The following RNGTT variants were observed in gnomAD, a reference collection of about 807,000 sequenced individuals.
The protein encoded by RNGTT is mRNA-capping enzyme.
Under a neutral mutation model 79.3 loss-of-function variants are expected in RNGTT, and 33 were observed. The ratio of observed to expected loss-of-function variants is 0.42; its 90% CI spans 0.32 to 0.56. RNGTT has a LOEUF of 0.56. Ranked by LOEUF, RNGTT falls within the 20% of genes least tolerant of loss-of-function variation. RNGTT has a pLI of 0.17. For missense variants in RNGTT, 497 were observed against 739.1 expected (o/e 0.67, Z 3.80); for synonymous variants, 222 against 235.9 (o/e 0.94, Z 0.54).
rs74699213 is a variant in RNGTT at position 88,795,176 on chromosome 6, G to T, written c.1338+6388C>A. 4.5e-3 allele frequency among the ~76,000 whole-genome samples: 681 copies of T among 152,290 alleles called. 2 individuals carry two copies. Among genetic ancestry groups the T allele is most frequent in the African/African-American group, 0.015 (643 of 41,572 alleles). On this transcript the variant is annotated intron_variant, in intron 12 of 15. Coordinates refer to ENST00000369485, the MANE Select transcript of RNGTT (RefSeq NM_003800.5). ...AAGAGGTTTAAGATTAAATATTCATGACTAAGGTGATACGAAAGAAACCTA... is the reference window on the plus strand; with the variant it reads ...AAGAGGTTTAAGATTAAATATTCATTACTAAGGTGATACGAAAGAAACCTA...
At chr6:88,948,497 A>G (rs1582167209) in intron 1 of RNGTT, among the ~76,000 whole-genome samples, 3 of 133,212 alleles carry the variant, frequency 2.3e-5, no homozygotes, top group East Asian at 2.4e-4. Context: ...TGGGGGGGTC[A>G]GCCCCCCGCC....
At chr6:88,641,296 G>A (rs996818600) in intron 14 of RNGTT, among the ~76,000 whole-genome samples, 1 of 150,416 alleles carries the variant, frequency 6.6e-6, no homozygotes, top group Non-Finnish European at 1.5e-5. Context: ...CTGAGATGGC[G>A]CCACTGCACT....
intron 11 of RNGTT, among the ~76,000 whole-genome samples, chr6:88,835,134 AG>A (rs1248691854): frequency 6.6e-6 from 1 of 152,178 alleles, no homozygotes; most frequent in Non-Finnish European, 1.5e-5. Context: ...ATTAGACAGT[AG>A]AAAGTAAAAT....
intron 14 of RNGTT, among the ~76,000 whole-genome samples, chr6:88,659,507 A>C (rs1410866913): frequency 6.6e-6 from 1 of 152,180 alleles, no homozygotes; most frequent in South Asian, 2.1e-4. Context: ...AATACACTGG[A>C]AAGTTTCAAC....
chr6:88,633,844 C>T (rs1422492010), intron 14 of RNGTT, among the ~76,000 whole-genome samples: 2 of 152,096 alleles, frequency 1.3e-5, no homozygotes, highest in Non-Finnish European at 2.9e-5. Flanking sequence ...AAAATTAGGA[C>T]ATACAATATC....
chr6:88,816,136 C>T (rs1292625001), intron 11 of RNGTT, among the ~76,000 whole-genome samples: 1 of 152,084 alleles, frequency 6.6e-6, no homozygotes, highest in African/African-American at 2.4e-5. Flanking sequence ...AAGCATTTAT[C>T]AACAATTTAA....
At chr6:88,869,567 TG>T (rs1172243488) in intron 8 of RNGTT, among the ~76,000 whole-genome samples, 1 of 152,154 alleles carries the variant, frequency 6.6e-6, no homozygotes. Flanking sequence ...CAGTTGGCCT[TG>T]GGATCTATCT....
At chr6:88,784,909 T>C (rs577767930) in intron 12 of RNGTT, among the ~76,000 whole-genome samples, 170 of 152,222 alleles carry the variant, frequency 1.1e-3, no homozygotes, top group African/African-American at 3.6e-3. Context: ...AATAAGAATG[T>C]ATTCACACAT....
Position 88,897,283 on chromosome 6 carries a change from C to T in RNGTT, c.685-5368G>A, listed in dbSNP as rs928694223. 5.3e-5 allele frequency among the ~76,000 whole-genome samples: 8 copies of T among 152,216 alleles called. No homozygotes were observed. The East Asian group carries it at 7.7e-4, about 15-fold the overall frequency. On this transcript the variant is annotated intron_variant, in intron 6 of 15. Transcript: ENST00000369485. Reference sequence around the variant, plus strand: ...TTTCTCCAGCCTTGAGTCAACCTACCGTTAGTCTTTTCCACTCTCATACAT... The same window carrying T: ...TTTCTCCAGCCTTGAGTCAACCTACTGTTAGTCTTTTCCACTCTCATACAT...
chr6:88,931,851 G>A (rs187826577), intron 2 of RNGTT, among the ~76,000 whole-genome samples: 11 of 152,264 alleles, frequency 7.2e-5, no homozygotes, highest in Admixed American at 6.5e-4. Flanking sequence ...ATCTTCGTAA[G>A]CTGAGGATGT....
chr6:88,699,924 T>C (rs1775888436), intron 13 of RNGTT, among the ~76,000 whole-genome samples: 1 of 152,098 alleles, frequency 6.6e-6, no homozygotes, highest in South Asian at 2.1e-4. Context: ...GAGAGAGGAA[T>C]GAGGAGTTAC....
intron 14 of RNGTT, among the ~76,000 whole-genome samples, chr6:88,650,513 C>T (rs1773757332): frequency 6.6e-6 from 1 of 151,976 alleles, no homozygotes; most frequent in Non-Finnish European, 1.5e-5. Flanking sequence ...GTTTTAATTC[C>T]AGCTATGCTC....
At chr6:88,679,780 A>G (rs1198797996) in intron 13 of RNGTT, among the ~76,000 whole-genome samples, 1 of 152,208 alleles carries the variant, frequency 6.6e-6, no homozygotes, top group Admixed American at 6.5e-5. Context: ...CTTGTGTTTA[A>G]CTGACCTAAA....
At chr6:88,700,548 C>T (rs546597202) in intron 13 of RNGTT, among the ~76,000 whole-genome samples, 5 of 152,000 alleles carry the variant, frequency 3.3e-5, no homozygotes, top group Non-Finnish European at 7.4e-5. Flanking sequence ...GGGGCAGTTA[C>T]AAGGTCAGGA....
chr6:88,927,385 C>T (rs1456848785), intron 4 of RNGTT, among the ~76,000 whole-genome samples: 2 of 151,564 alleles, frequency 1.3e-5, no homozygotes, highest in Non-Finnish European at 2.9e-5. Context: ...AAATTAAGCC[C>T]GGCACGGTGG....
At position 88,777,905 on chromosome 6, in the gene RNGTT, A is replaced by G. The variant is rs11965084; in HGVS notation, c.1339-8031T>C. Reference sequence around the variant, plus strand: ...CAGGAAAAGCTTTTAGTTCTTCCCCATTAATTGTGATGCTAGCTGTGGCCT... The same window carrying G: ...CAGGAAAAGCTTTTAGTTCTTCCCCGTTAATTGTGATGCTAGCTGTGGCCT... On this transcript the variant is annotated intron_variant, in intron 12 of 15. Transcript: ENST00000369485. Among the ~76,000 whole-genome samples the G allele has an allele frequency of 4.4e-3, 669 of 152,252 alleles. 2 individuals are homozygous for G. The highest frequency in any genetic ancestry group is 0.015 in the African/African-American group (632 of 41,564).
At chr6:88,847,241 C>A (rs778517059) in intron 10 of RNGTT, among the ~76,000 whole-genome samples, 1 of 151,980 alleles carries the variant, frequency 6.6e-6, no homozygotes. Flanking sequence ...TCTTTGGAAG[C>A]CAGTACACTA....
At chr6:88,841,865 T>A (rs1212981773) in intron 11 of RNGTT, among the ~76,000 whole-genome samples, 1 of 152,252 alleles carries the variant, frequency 6.6e-6, no homozygotes, top group Non-Finnish European at 1.5e-5. Flanking sequence ...TTCTTCTGAA[T>A]GCCAAATGTG....
At position 88,633,637 on chromosome 6, in the gene RNGTT, T is replaced by C. The variant is rs930413737; in HGVS notation, c.1507-19242A>G. Among the ~76,000 whole-genome samples, 46 of 152,202 alleles carry C rather than the reference T, an allele frequency of 3.0e-4. 1 individual carries two copies. Among genetic ancestry groups the C allele is most frequent in the Admixed American group, 2.9e-3 (45 of 15,274 alleles). On this transcript the variant is annotated intron_variant, in intron 14 of 15. Transcript: ENST00000369485. ...AGTGCTCAACTAAAATGTTTTTTTT[T>C]AACATTTAAAAAATACAGTCTCTTT...
Sources: allele counts gnomAD v4.1 joint callset (sites outside exome capture counted in the v4.1 genomes callset), GRCh38; gene constraint gnomAD v4.1.1; transcripts MANE v1.5; gene names NCBI Gene and HGNC (gene_info 2026-07-23, HGNC 2026-07-21).